The following PCDH11X variants were observed in gnomAD, a reference collection of about 807,000 sequenced individuals.
The protein encoded by PCDH11X is protocadherin 11 X-linked, also known as protocadherin-11 X-linked.
PCDH11X carries 18 observed loss-of-function variants against 53.3 expected under a neutral mutation model. The observed-to-expected ratio is 0.34, with a 90% CI of 0.23 to 0.50. PCDH11X has a LOEUF of 0.50. PCDH11X is among the 20% of genes least tolerant of loss of function. The pLI, the probability that PCDH11X is intolerant of heterozygous loss-of-function variation, is 0.98. For synonymous variants in PCDH11X, 279 were observed against 393.3 expected (o/e 0.71, Z 3.44); for missense variants, 570 against 1,032.4 (o/e 0.55, Z 6.14).
At chrX:92,506,090 G>C (rs1341078039) in intron 10 of PCDH11X, among the ~76,000 whole-genome samples, 6 of 110,321 alleles carry the variant, frequency 5.4e-5, no homozygotes, top group Non-Finnish European at 7.6e-5. Flanking sequence ...TCTAGGTATG[G>C]AATCATATGA....
chrX:91,943,589 T>G (rs2147859351), intron 6 of PCDH11X, among the ~76,000 whole-genome samples: 1 of 104,895 alleles, frequency 9.5e-6, no homozygotes, highest in East Asian at 3.1e-4. Flanking sequence ...AGAAAAGAAC[T>G]TCCACAACTT....
chrX:92,163,604 C>T (rs1337986205), intron 6 of PCDH11X, among the ~76,000 whole-genome samples: 1 of 111,549 alleles, frequency 9.0e-6, no homozygotes, highest in Non-Finnish European at 1.9e-5. Flanking sequence ...TTTAGACCCT[C>T]AGGTTCCCCA....
intron 6 of PCDH11X, among the ~76,000 whole-genome samples, chrX:91,993,399 A>G (rs1165305238): frequency 4.4e-5 from 5 of 112,366 alleles, no homozygotes; most frequent in African/African-American, 9.7e-5. Flanking sequence ...TTGGAAGAGT[A>G]TATCCTTTAT....
At chrX:92,527,053 G>A (rs1370277328) in intron 10 of PCDH11X, among the ~76,000 whole-genome samples, 2 of 111,401 alleles carry the variant, frequency 1.8e-5, no homozygotes, top group Non-Finnish European at 3.8e-5. Context: ...TTTTTTGTGG[G>A]ATCTAAAAAT....
At chrX:92,026,132 A>G (rs1252559163) in intron 6 of PCDH11X, among the ~76,000 whole-genome samples, 12 of 109,542 alleles carry the variant, frequency 1.1e-4, no homozygotes. Context: ...AATAATCTGT[A>G]CAACAAACAC....
At chrX:92,111,253 C>CAAAAAAAAAAAA (rs2064503540) in intron 6 of PCDH11X, among the ~76,000 whole-genome samples, 4 of 52,394 alleles carry the variant, frequency 7.6e-5, no homozygotes, top group East Asian at 2.8e-3. Context: ...AAAAAAAAAT[C>CAAAAAAAAAAAA]AGCGTCAACT....
At chrX:92,283,624 T>C (rs1397698964) in intron 8 of PCDH11X, among the ~76,000 whole-genome samples, 2 of 111,937 alleles carry the variant, frequency 1.8e-5, no homozygotes, top group African/African-American at 6.5e-5. Flanking sequence ...TATGATTTTC[T>C]AACACCAAGG....
chrX:92,381,616 G>A (rs1431858544), intron 8 of PCDH11X, among the ~76,000 whole-genome samples: 1 of 111,684 alleles, frequency 9.0e-6, no homozygotes, highest in Admixed American at 9.6e-5. Context: ...TAATGACAAT[G>A]CCAGGTTTTT....
At chrX:92,124,747 G>A (rs2148184758) in intron 6 of PCDH11X, among the ~76,000 whole-genome samples, 1 of 110,111 alleles carries the variant, frequency 9.1e-6, no homozygotes, top group Admixed American at 9.8e-5. Context: ...TTTTCATGTT[G>A]TAAAACAATT....
intron 10 of PCDH11X, among the ~76,000 whole-genome samples, chrX:92,609,207 T>C (rs1159678584): frequency 8.9e-6 from 1 of 112,083 alleles, no homozygotes; most frequent in East Asian, 2.8e-4. Context: ...AACTTGCACA[T>C]AAAAATTTCT....
At chrX:92,054,454 A>T (rs769127714) in intron 6 of PCDH11X, among the ~76,000 whole-genome samples, 1 of 112,021 alleles carries the variant, frequency 8.9e-6, no homozygotes, top group Non-Finnish European at 1.9e-5. Context: ...AAATTTTTAC[A>T]GGATTCCATG....
At chrX:92,353,065 G>A (rs1384723635) in intron 8 of PCDH11X, among the ~76,000 whole-genome samples, 1 of 111,615 alleles carries the variant, frequency 9.0e-6, no homozygotes, top group Non-Finnish European at 1.9e-5. Flanking sequence ...ACCCAGAACA[G>A]CTTATCAAGA....
At chrX:92,017,208 A>G (rs1176905875) in intron 6 of PCDH11X, among the ~76,000 whole-genome samples, 1 of 109,837 alleles carries the variant, frequency 9.1e-6, no homozygotes, top group Non-Finnish European at 1.9e-5. Flanking sequence ...AAAATAACAA[A>G]AAGTGTAACT....
intron 6 of PCDH11X, chrX:91,983,116 C>A: frequency 5.8e-6 from 6 of 1,038,032 alleles, no homozygotes; most frequent in Non-Finnish European, 8.1e-6. Context: ...ATGTCGAAAT[C>A]TATGTTGCAG....
At chrX:92,519,159 T>A (rs1391150429) in intron 10 of PCDH11X, among the ~76,000 whole-genome samples, 1 of 110,408 alleles carries the variant, frequency 9.1e-6, no homozygotes, top group East Asian at 2.9e-4. Context: ...GATAATACAT[T>A]ACACACGCCT....
intron 9 of PCDH11X, among the ~76,000 whole-genome samples, chrX:92,453,001 T>C (rs1451926188): frequency 2.1e-5 from 2 of 95,000 alleles, no homozygotes; most frequent in Non-Finnish European, 4.1e-5. Context: ...GAATGACTTA[T>C]GTGGAATTAT....
intron 8 of PCDH11X, among the ~76,000 whole-genome samples, chrX:92,311,910 G>C (rs2068959424): frequency 9.0e-6 from 1 of 111,507 alleles, no homozygotes; most frequent in South Asian, 3.7e-4. Flanking sequence ...AGGATATTAA[G>C]TTTTTTTAAT....
In PCDH11X at chrX:92,618,253, C is replaced by T. The variant is rs371294471; in HGVS notation, c.3368-11C>T. The T allele has an allele frequency of 1.7e-4, 201 of 1,188,762 alleles. No individual in the cohort carries two copies. The African/African-American group carries it at 3.4e-3, about 20-fold the overall frequency. On this transcript the variant is annotated splice_polypyrimidine_tract_variant and intron_variant, in intron 10 of 10. Coordinates refer to ENST00000682573, the MANE Select transcript of PCDH11X (RefSeq NM_032968.5). ...ATATAAATTTTATTATTTTTTTCCT[C>T]ACCCCAACAGCTGCAGAAATAACTG...
intron 1 of PCDH11X, among the ~76,000 whole-genome samples, chrX:91,783,234 G>A (rs1333321403): frequency 1.8e-5 from 2 of 111,392 alleles, no homozygotes; most frequent in Non-Finnish European, 3.8e-5. Context: ...CTGAAATACA[G>A]GAATGGGAAA....
Sources: allele counts gnomAD v4.1 joint callset (sites outside exome capture counted in the v4.1 genomes callset), GRCh38; gene constraint gnomAD v4.1.1; transcripts MANE v1.5; gene names NCBI Gene and HGNC (gene_info 2026-07-23, HGNC 2026-07-21).